The following MB21D2 variants were observed in gnomAD, a reference collection of about 807,000 sequenced individuals.
The protein encoded by MB21D2 is Mab-21 domain containing 2, also known as nucleotidyltransferase MB21D2.
In MB21D2, 9 loss-of-function variants were observed where a neutral mutation model predicts 33.3. The ratio of observed to expected loss-of-function variants is 0.27; its 90% CI spans 0.16 to 0.47. The LOEUF (loss-of-function observed/expected upper bound fraction) is 0.47. MB21D2 is among the 20% of genes least tolerant of loss of function. MB21D2 has a pLI of 0.99. For synonymous variants in MB21D2, 241 were observed against 236.3 expected (o/e 1.02, Z -0.18); for missense variants, 540 against 624.6 (o/e 0.86, Z 1.44).
chr3:192,872,548 C>T (rs1172280635), intron 1 of MB21D2, among the ~76,000 whole-genome samples: 3 of 149,188 alleles, frequency 2.0e-5, no homozygotes, highest in Non-Finnish European at 4.4e-5. Context: ...TGCACTCCAG[C>T]CTGGGCCACA....
chr3:192,861,327 C>T (rs1267651492), intron 1 of MB21D2, among the ~76,000 whole-genome samples: 1 of 152,176 alleles, frequency 6.6e-6, no homozygotes, highest in Non-Finnish European at 1.5e-5. Flanking sequence ...CTGCGGGCAT[C>T]TAATTAGTAC....
intron 1 of MB21D2, among the ~76,000 whole-genome samples, chr3:192,846,096 A>G (rs988546098): frequency 6.6e-6 from 1 of 152,178 alleles, no homozygotes; most frequent in African/African-American, 2.4e-5. Flanking sequence ...GAAATAAAAT[A>G]AAATAAAATT....
intron 1 of MB21D2, among the ~76,000 whole-genome samples, chr3:192,819,584 G>C (rs1712002059): frequency 1.3e-5 from 2 of 152,144 alleles, no homozygotes; most frequent in African/African-American, 4.8e-5. Flanking sequence ...TTTTAAAAGG[G>C]AGATGGAGAA....
chr3:192,856,885 A>G (rs188691197), intron 1 of MB21D2, among the ~76,000 whole-genome samples: 3 of 152,198 alleles, frequency 2.0e-5, no homozygotes, highest in Admixed American at 6.5e-5. Context: ...TCTCTTATCT[A>G]CTAATTATCT....
chr3:192,830,017 A>G (rs1199980981), intron 1 of MB21D2, among the ~76,000 whole-genome samples: 2 of 152,060 alleles, frequency 1.3e-5, no homozygotes, highest in African/African-American at 2.4e-5. Context: ...TGCATGCCAC[A>G]ATACCCAGAT....
chr3:192,898,566 T>C (rs2108650306), intron 1 of MB21D2, among the ~76,000 whole-genome samples: 1 of 152,302 alleles, frequency 6.6e-6, no homozygotes, highest in African/African-American at 2.4e-5. Flanking sequence ...TCATCATGAA[T>C]GGTGAACCAC....
intron 1 of MB21D2, among the ~76,000 whole-genome samples, chr3:192,825,308 GA>G (rs1228172675): frequency 6.6e-6 from 1 of 152,160 alleles, no homozygotes; most frequent in Non-Finnish European, 1.5e-5. Context: ...TAGTGGTTTG[GA>G]AAACAGAGGC....
At chr3:192,814,885 T>C (rs1711886177) in intron 1 of MB21D2, among the ~76,000 whole-genome samples, 1 of 149,702 alleles carries the variant, frequency 6.7e-6, no homozygotes, top group Non-Finnish European at 1.5e-5. Flanking sequence ...AAAAAATTCT[T>C]AGACAAAGTC....
intron 1 of MB21D2, among the ~76,000 whole-genome samples, chr3:192,904,944 G>C (rs1004427980): frequency 6.6e-6 from 1 of 152,202 alleles, no homozygotes; most frequent in Non-Finnish European, 1.5e-5. Flanking sequence ...ACGGGGTAAT[G>C]AGCCCGCAGG....
intron 1 of MB21D2, among the ~76,000 whole-genome samples, chr3:192,805,721 T>C (rs1286818884): frequency 1.3e-5 from 2 of 152,204 alleles, no homozygotes; most frequent in Non-Finnish European, 2.9e-5. Flanking sequence ...TCCAATTCCT[T>C]ATCTATTAAA....
At chr3:192,828,591 CATATATATATATAT>C (rs58394740) in intron 1 of MB21D2, among the ~76,000 whole-genome samples, 10 of 54,124 alleles carry the variant, frequency 1.8e-4, no homozygotes, top group Non-Finnish European at 3.1e-4. Flanking sequence ...TCACCCCCCC[CATATATATATATAT>C]ATATATATAT....
chr3:192,828,488 C>T (rs1038259519), intron 1 of MB21D2, among the ~76,000 whole-genome samples: 1 of 149,680 alleles, frequency 6.7e-6, no homozygotes, highest in African/African-American at 2.5e-5. Context: ...TCATCTGGGG[C>T]CTGTTTTCTC....
intron 1 of MB21D2, among the ~76,000 whole-genome samples, chr3:192,828,760 T>C (rs896298551): frequency 6.7e-6 from 1 of 149,438 alleles, no homozygotes; most frequent in Non-Finnish European, 1.5e-5. Flanking sequence ...GCCATTCTCC[T>C]GCCTCAGCCT....
chr3:192,906,833 T>C (rs772490501), intron 1 of MB21D2, among the ~76,000 whole-genome samples: 1 of 152,252 alleles, frequency 6.6e-6, no homozygotes, highest in Non-Finnish European at 1.5e-5. Context: ...CCAACATATG[T>C]TGAATGAAGT....
At chr3:192,885,646 T>C (rs1021149990) in intron 1 of MB21D2, among the ~76,000 whole-genome samples, 1 of 152,148 alleles carries the variant, frequency 6.6e-6, no homozygotes, top group African/African-American at 2.4e-5. Flanking sequence ...GAAGTAGTGC[T>C]GCCTAGAGAG....
intron 1 of MB21D2, among the ~76,000 whole-genome samples, chr3:192,855,161 C>T (rs1712888219): frequency 6.6e-6 from 1 of 152,094 alleles, no homozygotes; most frequent in Non-Finnish European, 1.5e-5. Context: ...TGCAATGGTG[C>T]AGTCTTGACT....
intron 1 of MB21D2, among the ~76,000 whole-genome samples, chr3:192,885,160 A>C (rs1713705001): frequency 6.6e-6 from 1 of 152,146 alleles, no homozygotes. Flanking sequence ...ACCGGATGTG[A>C]CTACATTGTA....
chr3:192,871,421 A>G (rs1713293212), intron 1 of MB21D2, among the ~76,000 whole-genome samples: 1 of 152,200 alleles, frequency 6.6e-6, no homozygotes, highest in African/African-American at 2.4e-5. Context: ...TTTACCCGAC[A>G]CTGAGAGGGA....
At chr3:192,904,679 T>C (rs571245790) in intron 1 of MB21D2, among the ~76,000 whole-genome samples, 4 of 152,276 alleles carry the variant, frequency 2.6e-5, no homozygotes, top group African/African-American at 9.6e-5. Flanking sequence ...AGCAGGACAC[T>C]GATACACACT....
Sources: gnomAD v4.1 joint callset for allele counts (sites outside exome capture counted in the v4.1 genomes callset) on GRCh38, gnomAD v4.1.1 for gene constraint, MANE v1.5 for transcripts, NCBI Gene and HGNC (gene_info 2026-07-23, HGNC 2026-07-21) for gene names.